Variants in SLC16A10 observed in about 807,000 individuals in gnomAD.
The protein encoded by SLC16A10 is solute carrier family 16 member 10, also known as monocarboxylate transporter 10.
SLC16A10 carries 27 observed loss-of-function variants against 40.0 expected under a neutral mutation model. The observed-to-expected ratio is 0.67, with a 90% CI of 0.50 to 0.93. SLC16A10 has a LOEUF of 0.93. SLC16A10 is among the 40% of genes least tolerant of loss of function. The pLI is 0.00. For missense variants in SLC16A10, 529 were observed against 658.2 expected (o/e 0.80, Z 2.15); for synonymous variants, 213 against 249.8 (o/e 0.85, Z 1.39).
At chr6:111,103,751 G>T in intron 1 of SLC16A10, among the ~76,000 whole-genome samples, 1 of 152,148 alleles carries the variant, frequency 6.6e-6, no homozygotes, top group South Asian at 2.1e-4. Context: ...TGAGTTAGGT[G>T]TTACGAGATT....
chr6:111,204,756 C>G (rs1436200727), intron 3 of SLC16A10, among the ~76,000 whole-genome samples: 1 of 152,146 alleles, frequency 6.6e-6, no homozygotes, highest in Non-Finnish European at 1.5e-5. Context: ...AACATTTCCA[C>G]ACAAAATCCG....
chr6:111,167,553 GA>G (rs933999717), intron 1 of SLC16A10, among the ~76,000 whole-genome samples: 2 of 152,046 alleles, frequency 1.3e-5, no homozygotes, highest in Admixed American at 6.6e-5. Context: ...TCCTTGGGGG[GA>G]AAATATATAT....
At chr6:111,099,032 AGGATCTG>A (rs1771126067) in intron 1 of SLC16A10, among the ~76,000 whole-genome samples, 1 of 152,226 alleles carries the variant, frequency 6.6e-6, no homozygotes, top group African/African-American at 2.4e-5. Context: ...AACTGAAAAA[AGGATCTG>A]ATTTTTAATA....
intron 1 of SLC16A10, among the ~76,000 whole-genome samples, chr6:111,119,759 TAGTGTCCTTACA>T (rs1268546763): frequency 6.6e-6 from 1 of 152,212 alleles, no homozygotes; most frequent in Non-Finnish European, 1.5e-5. Flanking sequence ...CAGATAGGAT[TAGTGTCCTTACA>T]AGAAGAAACA....
rs1380766944 is a variant in SLC16A10, at chr6:111,229,336, C to T, written c.*7101C>T. 2.0e-5 allele frequency: 3 copies of T among 151,996 alleles called. No individual in the cohort carries two copies. Among genetic ancestry groups the T allele is most frequent in the Non-Finnish European group, 4.4e-5 (3 of 68,010 alleles). The allele number at this position is 151,996 out of a possible 1,614,324, so 9.4% of individuals were successfully genotyped here. A position where few individuals can be genotyped will look rare whatever the true frequency, so the allele number is the denominator to read the frequency against. ...ATGCAATTTTTGTTAACATATAAGACTTTAAATTACGAAACTCACAAGAAA... is the reference window on the plus strand; with the variant it reads ...ATGCAATTTTTGTTAACATATAAGATTTTAAATTACGAAACTCACAAGAAA... On this transcript the variant is annotated 3_prime_UTR_variant, in exon 6 of 6. Transcript: ENST00000368851.
At chr6:111,129,043 T>G (rs1339318468) in intron 1 of SLC16A10, among the ~76,000 whole-genome samples, 1 of 152,252 alleles carries the variant, frequency 6.6e-6, no homozygotes, top group African/African-American at 2.4e-5. Context: ...CTACTTATTT[T>G]TCATTTAACA....
At chr6:111,196,329 C>T (rs1773079432) in intron 3 of SLC16A10, among the ~76,000 whole-genome samples, 1 of 152,046 alleles carries the variant, frequency 6.6e-6, no homozygotes, top group Admixed American at 6.6e-5. Context: ...CAGAGTGAAA[C>T]TCTGTCTCAA....
At chr6:111,153,289 C>T (rs1772206460) in intron 1 of SLC16A10, among the ~76,000 whole-genome samples, 1 of 152,200 alleles carries the variant, frequency 6.6e-6, no homozygotes, top group Admixed American at 6.5e-5. Context: ...AATCGCAGCA[C>T]TTTGGGAGGC....
intron 3 of SLC16A10, among the ~76,000 whole-genome samples, chr6:111,191,352 TC>T (rs1384070935): frequency 6.6e-6 from 1 of 152,216 alleles, no homozygotes; most frequent in Admixed American, 6.5e-5. Flanking sequence ...CATGAACTCA[TC>T]CTTTTTTATG....
intron 3 of SLC16A10, among the ~76,000 whole-genome samples, chr6:111,192,260 A>G (rs904635159): frequency 7.2e-5 from 11 of 152,046 alleles, no homozygotes; most frequent in African/African-American, 2.7e-4. Context: ...TCTCAAGTTC[A>G]AAGTTCCACA....
At chr6:111,170,230 T>C (rs1028231631) in intron 1 of SLC16A10, among the ~76,000 whole-genome samples, 6 of 152,062 alleles carry the variant, frequency 3.9e-5, no homozygotes, top group Non-Finnish European at 8.8e-5. Context: ...TCTTTTTTCT[T>C]GAAAATATCT....
chr6:111,139,913 G>A (rs1433207352), intron 1 of SLC16A10, among the ~76,000 whole-genome samples: 1 of 152,012 alleles, frequency 6.6e-6, no homozygotes, highest in East Asian at 1.9e-4. Context: ...CTACAACCTC[G>A]CCAGCATCTG....
rs903495199 is a variant in SLC16A10 at position 111,191,135 on chromosome 6, A to G, written c.942+13470A>G. On this transcript the variant is annotated intron_variant, in intron 3 of 5. Coordinates refer to ENST00000368851, the MANE Select transcript of SLC16A10 (RefSeq NM_018593.5). ...CTGTATCCATCAACCTGTCATCTACATTAGGTATTTCTCCTAATGCTATCC... is the reference window on the plus strand; with the variant it reads ...CTGTATCCATCAACCTGTCATCTACGTTAGGTATTTCTCCTAATGCTATCC... Among the ~76,000 whole-genome samples the G allele has an allele frequency of 2.0e-5, 3 of 152,160 alleles. No individual in the cohort carries two copies. The East Asian group carries it at 5.8e-4, about 29-fold the overall frequency.
rs1002815198 is a variant in SLC16A10 at position 111,228,321 on chromosome 6, G to A, written c.*6086G>A. 1.3e-5 allele frequency: 2 copies of A among 152,166 alleles called. No homozygotes were observed. Among genetic ancestry groups the A allele is most frequent in the Non-Finnish European group, 2.9e-5 (2 of 68,040 alleles). 9.4% of individuals were successfully genotyped at this position (152,166 alleles called of 1,614,324 possible). On this transcript the variant is annotated 3_prime_UTR_variant, in exon 6 of 6. Transcript: ENST00000368851. The stretch of plus-strand genomic sequence containing the variant: ...CTCCTTCCTAGTAGAACAAGGACTG[G>A]GACAATGAATTTTTGACTCACTGGA...
intron 3 of SLC16A10, chr6:111,178,539 C>T (rs1433058453): frequency 4.8e-6 from 2 of 413,058 alleles, no homozygotes; most frequent in South Asian, 1.9e-5. Flanking sequence ...AAGGAGACTT[C>T]ATCCCTACCT....
intron 1 of SLC16A10, among the ~76,000 whole-genome samples, chr6:111,163,146 A>ATTTTTTTTT (rs34027805): frequency 1.2e-5 from 1 of 85,310 alleles, no homozygotes. Context: ...CAACATAATA[A>ATTTTTTTTT]TTTTTTTTTT....
At chr6:111,097,159 A>T (rs534104417) in intron 1 of SLC16A10, among the ~76,000 whole-genome samples, 1 of 152,190 alleles carries the variant, frequency 6.6e-6, no homozygotes, top group African/African-American at 2.4e-5. Context: ...TCCCCTCTTG[A>T]TAAACATAAA....
chr6:111,203,159 A>G (rs1562432247), intron 3 of SLC16A10, among the ~76,000 whole-genome samples: 1 of 152,128 alleles, frequency 6.6e-6, no homozygotes, highest in Non-Finnish European at 1.5e-5. Flanking sequence ...CTGCTGAACT[A>G]AAGTGCATGC....
intron 1 of SLC16A10, among the ~76,000 whole-genome samples, chr6:111,150,903 T>C (rs1336721441): frequency 6.6e-6 from 1 of 152,202 alleles, no homozygotes; most frequent in African/African-American, 2.4e-5. Flanking sequence ...ATTTTTGATC[T>C]CCACAACATA....
Sources: allele counts gnomAD v4.1 joint callset (sites outside exome capture counted in the v4.1 genomes callset), GRCh38; gene constraint gnomAD v4.1.1; transcripts MANE v1.5; gene names NCBI Gene and HGNC (gene_info 2026-07-23, HGNC 2026-07-21).